Variants in DEPDC5 observed in about 807,000 individuals in gnomAD.
DEPDC5 encodes DEP domain containing 5, GATOR1 subcomplex subunit, also known as GATOR1 complex protein DEPDC5.
Under a neutral mutation model 217.3 loss-of-function variants are expected in DEPDC5, and 73 were observed. The ratio of observed to expected loss-of-function variants is 0.34; its 90% CI spans 0.28 to 0.41. The LOEUF is 0.41. Ranked by LOEUF, DEPDC5 falls within the 10% of genes least tolerant of loss-of-function variation. The pLI is 1.00. For synonymous variants in DEPDC5, 733 were observed against 756.7 expected (o/e 0.97, Z 0.51); for missense variants, 1,675 against 2,070.1 (o/e 0.81, Z 3.70).
chr22:31,760,621 C>T (rs755268567), intron 3 of DEPDC5, 35 bp from the exon 4 acceptor site: 39 of 1,599,360 alleles, frequency 2.4e-5, no homozygotes, highest in African/African-American at 2.3e-4. Flanking sequence ...TTACTGTTCA[C>T]GGTATCCCAA....
chr22:31,855,821 TA>T (rs136862), intron 31 of DEPDC5, among the ~76,000 whole-genome samples: 27 of 147,456 alleles, frequency 1.8e-4, no homozygotes, highest in East Asian at 3.9e-4. Context: ...TTTCAGAATG[TA>T]AAAAAAAAAA....
chr22:31,819,118 C>T lies in DEPDC5; in HGVS notation c.1763C>T (p.Pro588Leu). The T allele has an allele frequency of 6.2e-7, 1 of 1,614,196 alleles. No individual in the cohort carries two copies. Residue 588 changes from proline (P) to leucine (L), a missense_variant, in exon 22 of 43, where the codon CCT becomes CTT. Pro to Leu is a moderately conservative substitution (Grantham distance 98). Coordinates refer to ENST00000651528, the MANE Select transcript of DEPDC5 (RefSeq NM_001242896.3). ...GCAGAATCCATGCTGCATGTTCGAC[C>T]TGGTGGATACACGCCCCAGAGAGCA... ...GSAESMLHVR[P>L]GGYTPQRALI... is the part of the protein sequence containing the mutation.
intron 12 of DEPDC5, among the ~76,000 whole-genome samples, chr22:31,793,423 T>G (rs2085903722): frequency 6.6e-6 from 1 of 152,100 alleles, no homozygotes; most frequent in Non-Finnish European, 1.5e-5. Context: ...AATTTAACAG[T>G]TATTATTTTG....
chr22:31,888,252 T>TG (rs1360497905), intron 38 of DEPDC5, among the ~76,000 whole-genome samples: 2 of 140,874 alleles, frequency 1.4e-5, no homozygotes, highest in Non-Finnish European at 3.1e-5. Flanking sequence ...TTTTTTTTTT[T>TG]TTTTTTTTTT....
chr22:31,887,357 TACAGTGTG>T (rs2093340636), intron 38 of DEPDC5, among the ~76,000 whole-genome samples: 1 of 139,768 alleles, frequency 7.2e-6, no homozygotes, highest in African/African-American at 2.7e-5. Context: ...AGGCAGAGGT[TACAGTGTG>T]CCGAGATTGC....
At chr22:31,897,735 A>C (rs915548722) in intron 40 of DEPDC5, 82 bp downstream of exon 40, 6 of 1,501,076 alleles carry the variant, frequency 4.0e-6, no homozygotes, top group Non-Finnish European at 5.4e-6. Context: ...GTATCCAGTC[A>C]ACACGGACTA....
intron 26 of DEPDC5, 63 bp from the exon 27 acceptor site, chr22:31,838,622 G>C: frequency 6.3e-7 from 1 of 1,583,108 alleles, no homozygotes; most frequent in South Asian, 1.2e-5. Context: ...ATGAGACTGT[G>C]CACTCTTAAG....
intron 33 of DEPDC5, among the ~76,000 whole-genome samples, chr22:31,868,625 C>T (rs979174357): frequency 6.6e-6 from 1 of 152,092 alleles, no homozygotes; most frequent in East Asian, 1.9e-4. Flanking sequence ...TGGGGTTTCA[C>T]CGTGTTGCCT....
chr22:31,817,572 T>TGGG, intron 21 of DEPDC5: 1 of 278,058 alleles, frequency 3.6e-6, no homozygotes, highest in Non-Finnish European at 7.2e-6. Flanking sequence ...CACTACAGCC[T>TGGG]CAACCTCCTG....
chr22:31,783,355 C>A (rs145659692), intron 8 of DEPDC5, among the ~76,000 whole-genome samples: 2,074 of 152,240 alleles, frequency 0.014, 16 homozygotes, highest in Middle Eastern at 0.031. Context: ...TTAACACTCA[C>A]CATGAAGGTC....
chr22:31,784,350 C>G (rs1460853609), intron 9 of DEPDC5: 1 of 198,588 alleles, frequency 5.0e-6, no homozygotes, highest in African/African-American at 2.4e-5. Flanking sequence ...CAAAACAGGC[C>G]GGGCACAGCG....
At chr22:31,890,803 G>A (rs2149362050) in intron 38 of DEPDC5, among the ~76,000 whole-genome samples, 1 of 151,492 alleles carries the variant, frequency 6.6e-6, no homozygotes, top group East Asian at 2.0e-4. Flanking sequence ...TCGGCTCACT[G>A]CAACCTTTGC....
In DEPDC5 at chr22:31,838,812, C is replaced by A. The variant is rs200526736; in HGVS notation, c.2482C>A (p.Pro828Thr). The part of the protein sequence containing the change: ...KTQKPNPAVP[P>T]PLSSSPLYSR... ...ACAGAAACCCAATCCTGCTGTCCCG[C>A]CCCCGCTGAGCAGTAGCCCACTCTA... The change falls in exon 27 of 43, where the codon CCC becomes ACC. Residue 828 changes from proline to threonine, a missense_variant. Transcript: ENST00000651528. The A allele has an allele frequency of 5.0e-6, 8 of 1,614,028 alleles. No individual in the cohort carries two copies. The highest frequency in any genetic ancestry group is 1.1e-5 in the South Asian group (1 of 91,076).
intron 7 of DEPDC5, among the ~76,000 whole-genome samples, chr22:31,773,898 C>T (rs2083578029): frequency 1.3e-5 from 2 of 152,002 alleles, no homozygotes; most frequent in East Asian, 1.9e-4. Flanking sequence ...ATGGTGAAAC[C>T]CTGTCTCTAC....
chr22:31,821,076 C>G (rs914026377), intron 22 of DEPDC5, among the ~76,000 whole-genome samples: 1 of 152,186 alleles, frequency 6.6e-6, no homozygotes, highest in Non-Finnish European at 1.5e-5. Context: ...CCTACTCTGC[C>G]TTTTTTGCAC....
At chr22:31,849,616 A>C (rs2091917955) in intron 31 of DEPDC5, among the ~76,000 whole-genome samples, 1 of 152,032 alleles carries the variant, frequency 6.6e-6, no homozygotes, top group Non-Finnish European at 1.5e-5. Flanking sequence ...TCCCGTCTCT[A>C]CTAATAATAC....
intron 38 of DEPDC5, among the ~76,000 whole-genome samples, chr22:31,892,793 C>A (rs1327889440): frequency 4.0e-5 from 6 of 151,738 alleles, no homozygotes; most frequent in Non-Finnish European, 8.8e-5. Flanking sequence ...TTACAAGGTA[C>A]AATCCATAAA....
intron 20 of DEPDC5, chr22:31,814,006 G>T (rs2088768875): frequency 1.3e-5 from 2 of 152,048 alleles, no homozygotes; most frequent in Non-Finnish European, 1.5e-5. Context: ...GTGGTGGTGG[G>T]CGTCTGTAAT....
At chr22:31,888,294 G>C (rs943135940) in intron 38 of DEPDC5, among the ~76,000 whole-genome samples, 3 of 124,950 alleles carry the variant, frequency 2.4e-5, no homozygotes, top group Non-Finnish European at 4.8e-5. Flanking sequence ...TTGTCGCCCA[G>C]GCTGGAGTGC....
Sources: allele counts gnomAD v4.1 joint callset (sites outside exome capture counted in the v4.1 genomes callset), GRCh38; gene constraint gnomAD v4.1.1; transcripts MANE v1.5; gene names NCBI Gene and HGNC (gene_info 2026-07-23, HGNC 2026-07-21).